The following CNTNAP2 variants were observed in gnomAD, a reference collection of about 807,000 sequenced individuals.
The protein encoded by CNTNAP2 is contactin-associated protein-like 2.
In CNTNAP2, 98 loss-of-function variants were observed where a neutral mutation model predicts 155.2. That is an observed-to-expected ratio of 0.63 (90% CI 0.54 to 0.75). The LOEUF (loss-of-function observed/expected upper bound fraction) is 0.75. Among genes scored for constraint, CNTNAP2 ranks in the 30% least tolerant of loss-of-function variants. CNTNAP2 has a pLI of 0.00. For missense variants in CNTNAP2, 1,727 were observed against 1,688.1 expected, an observed-to-expected ratio of 1.02 and a Z score of -0.40; for synonymous variants, 651 against 631.2, an observed-to-expected ratio of 1.03 and a Z score of -0.47.
chr7:148,145,313 G>A (rs545563383), intron 16 of CNTNAP2, among the ~76,000 whole-genome samples: 251 of 152,216 alleles, frequency 1.6e-3, no homozygotes, highest in African/African-American at 5.8e-3. Context: ...TTAAGGTGAC[G>A]GTGAAGAAAT....
intron 17 of CNTNAP2, among the ~76,000 whole-genome samples, chr7:148,150,206 T>G (rs1585153000): frequency 7.0e-6 from 1 of 143,232 alleles, no homozygotes; most frequent in South Asian, 2.3e-4. Context: ...AGTTCAGGAG[T>G]TCAAGACCAT....
At chr7:148,390,989 A>C (rs985619755) in intron 22 of CNTNAP2, among the ~76,000 whole-genome samples, 1 of 152,180 alleles carries the variant, frequency 6.6e-6, no homozygotes, top group African/African-American at 2.4e-5. Flanking sequence ...AAGCAAATAG[A>C]CATGGCCTCG....
intron 12 of CNTNAP2, among the ~76,000 whole-genome samples, chr7:147,628,868 T>TAAA (rs60644349): frequency 0.011 from 1,310 of 117,136 alleles, 9 homozygotes; most frequent in South Asian, 0.023. Flanking sequence ...CAACAGCAGT[T>TAAA]AAAAAAAAAA....
At chr7:147,192,793 T>C (rs755851639) in intron 8 of CNTNAP2, among the ~76,000 whole-genome samples, 10 of 152,218 alleles carry the variant, frequency 6.6e-5, no homozygotes, top group Non-Finnish European at 1.3e-4. Flanking sequence ...CATGTTCGGA[T>C]TGATTTTTGT....
intron 1 of CNTNAP2, among the ~76,000 whole-genome samples, chr7:146,374,497 C>A (rs991168564): frequency 6.6e-6 from 1 of 152,142 alleles, no homozygotes; most frequent in Non-Finnish European, 1.5e-5. Flanking sequence ...ATTAAAAATT[C>A]ACTTTAGCTG....
chr7:147,122,870 A>T (rs972361047), intron 6 of CNTNAP2: 1 of 152,128 alleles, frequency 6.6e-6, no homozygotes, highest in Admixed American at 6.6e-5. Flanking sequence ...TGTGTGTGTT[A>T]TGTATATTTA....
chr7:147,050,609 G>A (rs910677025), intron 4 of CNTNAP2, among the ~76,000 whole-genome samples: 7 of 152,134 alleles, frequency 4.6e-5, no homozygotes, highest in African/African-American at 7.2e-5. Flanking sequence ...TTGATGGCAC[G>A]TCTGCATCTC....
At chr7:146,903,942 A>G (rs558530588) in intron 3 of CNTNAP2, among the ~76,000 whole-genome samples, 1 of 152,372 alleles carries the variant, frequency 6.6e-6, no homozygotes, top group Non-Finnish European at 1.5e-5. Context: ...TCTACTATAT[A>G]TGTAAATCAA....
At chr7:147,163,831 C>T (rs1802072974) in intron 8 of CNTNAP2, among the ~76,000 whole-genome samples, 1 of 152,190 alleles carries the variant, frequency 6.6e-6, no homozygotes, top group African/African-American at 2.4e-5. Flanking sequence ...CCATTTTCTA[C>T]ATTTTCTGTT....
intron 1 of CNTNAP2, among the ~76,000 whole-genome samples, chr7:146,601,552 T>G (rs1798949805): frequency 6.6e-6 from 1 of 152,144 alleles, no homozygotes; most frequent in Non-Finnish European, 1.5e-5. Flanking sequence ...TCAATCCATA[T>G]TTATGTTAAT....
intron 9 of CNTNAP2, among the ~76,000 whole-genome samples, chr7:147,315,188 A>T (rs1466383030): frequency 6.6e-6 from 1 of 150,566 alleles, no homozygotes; most frequent in Non-Finnish European, 1.5e-5. Flanking sequence ...TGGGCCCAGA[A>T]ATATGCATTT....
At chr7:148,159,778 C>T (rs1805481794) in intron 17 of CNTNAP2, among the ~76,000 whole-genome samples, 1 of 152,190 alleles carries the variant, frequency 6.6e-6, no homozygotes, top group South Asian at 2.1e-4. Flanking sequence ...TACTGAATTT[C>T]TATCAATAGT....
At chr7:148,135,731 C>T (rs1328846264) in intron 16 of CNTNAP2, among the ~76,000 whole-genome samples, 1 of 150,454 alleles carries the variant, frequency 6.6e-6, no homozygotes, top group Admixed American at 6.6e-5. Context: ...TGCGTGTAAT[C>T]CCAGCTACTC....
At position 146,379,768 on chromosome 7, in the gene CNTNAP2, T is replaced by C. The variant is rs1483920094; in HGVS notation, c.97+262795T>C. On this transcript the variant is annotated intron_variant, in intron 1 of 23. Coordinates refer to ENST00000361727, the MANE Select transcript of CNTNAP2 (RefSeq NM_014141.6). ...CTTAGGATCACTTGGGATTCTTCTTTCTATAGGCATGTGGGACGATAATTT... is the reference window on the plus strand; with the variant it reads ...CTTAGGATCACTTGGGATTCTTCTTCCTATAGGCATGTGGGACGATAATTT... Among the ~76,000 whole-genome samples the C allele has an allele frequency of 2.0e-5, 3 of 152,200 alleles. No homozygotes were observed. The East Asian group carries it at 5.8e-4, about 29-fold the overall frequency.
chr7:146,953,157 G>T (rs971320246), intron 3 of CNTNAP2, among the ~76,000 whole-genome samples: 8 of 151,988 alleles, frequency 5.3e-5, no homozygotes, highest in African/African-American at 1.9e-4. Flanking sequence ...TTTTAGATCT[G>T]AGTAATCAAT....
chr7:146,132,879 G>A (rs1370862178), intron 1 of CNTNAP2, among the ~76,000 whole-genome samples: 2 of 149,154 alleles, frequency 1.3e-5, no homozygotes, highest in African/African-American at 5.0e-5. Context: ...ACATACATGT[G>A]CATGTGTCTT....
chr7:148,119,057 A>G (rs1403555565), intron 16 of CNTNAP2, among the ~76,000 whole-genome samples: 4 of 152,094 alleles, frequency 2.6e-5, no homozygotes, highest in Non-Finnish European at 5.9e-5. Context: ...GGAAGTTACA[A>G]TCCCCTGACT....
intron 17 of CNTNAP2, among the ~76,000 whole-genome samples, chr7:148,161,132 C>T (rs765276705): frequency 1.3e-5 from 2 of 152,112 alleles, no homozygotes; most frequent in Non-Finnish European, 2.9e-5. Context: ...AATTCTTATT[C>T]TTATAGTTTG....
intron 1 of CNTNAP2, among the ~76,000 whole-genome samples, chr7:146,389,152 T>C (rs1214683935): frequency 2.0e-5 from 3 of 152,202 alleles, no homozygotes; most frequent in Non-Finnish European, 2.9e-5. Context: ...GCTTGACTTA[T>C]TTTCAGACAT....
Sources: gnomAD v4.1 joint callset for allele counts (sites outside exome capture counted in the v4.1 genomes callset) on GRCh38, gnomAD v4.1.1 for gene constraint, MANE v1.5 for transcripts, NCBI Gene and HGNC (gene_info 2026-07-23, HGNC 2026-07-21) for gene names.